Variants in CDK14 observed in about 807,000 individuals in gnomAD.
CDK14 encodes cyclin dependent kinase 14, also known as cyclin-dependent kinase 14.
CDK14 carries 34 observed loss-of-function variants against 60.7 expected under a neutral mutation model. The observed-to-expected ratio is 0.56, with a 90% CI of 0.43 to 0.75. The LOEUF (loss-of-function observed/expected upper bound fraction) is 0.75, where lower values mean the gene tolerates loss of function less well. Among genes scored for constraint, CDK14 ranks in the 30% least tolerant of loss-of-function variants. The pLI is 0.00. For missense variants in CDK14, 482 were observed against 564.1 expected (o/e 0.85, Z 1.47); for synonymous variants, 197 against 203.7 (o/e 0.97, Z 0.28).
intron 2 of CDK14, among the ~76,000 whole-genome samples, chr7:90,639,926 G>A (rs543127631): frequency 6.6e-6 from 1 of 152,134 alleles, no homozygotes; most frequent in Admixed American, 6.5e-5. Context: ...TCCGAGCCAG[G>A]TGCGGGATAT....
At chr7:90,753,932 A>T (rs1803950805) in intron 4 of CDK14, among the ~76,000 whole-genome samples, 1 of 152,244 alleles carries the variant, frequency 6.6e-6, no homozygotes, top group Admixed American at 6.5e-5. Flanking sequence ...AGGAGGTTAA[A>T]GATCTCTGCA....
intron 2 of CDK14, among the ~76,000 whole-genome samples, chr7:90,695,458 C>T (rs1054451888): frequency 3.9e-5 from 6 of 152,086 alleles, no homozygotes; most frequent in Admixed American, 1.3e-4. Flanking sequence ...GTTTACTGAG[C>T]GTCTACTATT....
chr7:90,961,150 G>A (rs552774428), intron 9 of CDK14, among the ~76,000 whole-genome samples: 17 of 152,058 alleles, frequency 1.1e-4, no homozygotes, highest in Non-Finnish European at 1.8e-4. Flanking sequence ...TTAAAATTTG[G>A]TCTTTATTTT....
At chr7:91,165,155 T>A (rs773344456) in intron 14 of CDK14, among the ~76,000 whole-genome samples, 3 of 152,194 alleles carry the variant, frequency 2.0e-5, no homozygotes, top group Non-Finnish European at 4.4e-5. Flanking sequence ...ACCACAGATA[T>A]GTTGCAAGCA....
intron 10 of CDK14, among the ~76,000 whole-genome samples, chr7:91,036,512 C>T (rs954255739): frequency 2.6e-5 from 4 of 152,056 alleles, no homozygotes; most frequent in Non-Finnish European, 5.9e-5. Context: ...TCCTGCCTCC[C>T]CTTCTGTCAC....
rs969202698 is a variant in CDK14, at chr7:91,207,398, T to C, written c.*262T>C. 2.6e-5 allele frequency: 4 copies of C among 152,672 alleles called. No individual in the cohort carries two copies. The highest frequency in any genetic ancestry group is 6.5e-5 in the Admixed American group (1 of 15,314). 9.5% of individuals were successfully genotyped at this position (152,672 alleles called of 1,614,324 possible). A position where few individuals can be genotyped will look rare whatever the true frequency, so the allele number is the denominator to read the frequency against. ...AGATTAAGCTTTGCTTACTGATACA[T>C]GGCATGTATTCTTTTCAGTCTTTTG... On this transcript the variant is annotated 3_prime_UTR_variant, in exon 15 of 15. Transcript: ENST00000380050.
At chr7:90,658,873 G>A (rs2188144) in intron 2 of CDK14, among the ~76,000 whole-genome samples, 46,399 of 151,906 alleles carry the variant, frequency 0.31, 7,976 homozygotes, top group East Asian at 0.67. Context: ...TTTCTGAATC[G>A]GGGGTAGTTT....
chr7:91,115,732 G>A (rs150902534), intron 13 of CDK14, among the ~76,000 whole-genome samples: 249 of 152,296 alleles, frequency 1.6e-3, no homozygotes, highest in African/African-American at 5.8e-3. Flanking sequence ...CATCAAGTGT[G>A]GTTGGAGCCT....
chr7:90,729,344 GTTTTTTTTTTT>G (rs1237046149), intron 3 of CDK14, among the ~76,000 whole-genome samples: 2 of 45,206 alleles, frequency 4.4e-5, no homozygotes, highest in African/African-American at 8.8e-5. Context: ...AGGTATCAAG[GTTTTTTTTTTT>G]TTTTTTTTTT....
chr7:90,871,972 T>G (rs561832915), intron 6 of CDK14, among the ~76,000 whole-genome samples: 2 of 152,232 alleles, frequency 1.3e-5, no homozygotes, highest in Non-Finnish European at 2.9e-5. Flanking sequence ...CACAGCTCAT[T>G]ATGGTCATTC....
chr7:91,060,301 C>T (rs1435994325), intron 11 of CDK14, among the ~76,000 whole-genome samples: 10 of 151,582 alleles, frequency 6.6e-5, no homozygotes, highest in Non-Finnish European at 1.5e-4. Flanking sequence ...TGTCTCTGCC[C>T]GTGAGATGGG....
At chr7:90,875,639 C>T (rs1180148276) in intron 6 of CDK14, among the ~76,000 whole-genome samples, 1 of 151,902 alleles carries the variant, frequency 6.6e-6, no homozygotes, top group African/African-American at 2.4e-5. Flanking sequence ...TATTCAAGAA[C>T]TTAAATTATT....
intron 8 of CDK14, among the ~76,000 whole-genome samples, chr7:90,950,219 G>C (rs1010784361): frequency 3.3e-5 from 5 of 152,200 alleles, no homozygotes; most frequent in Non-Finnish European, 5.9e-5. Flanking sequence ...TGGGATTACA[G>C]GCGCGTGCCA....
intron 12 of CDK14, among the ~76,000 whole-genome samples, chr7:91,096,078 A>AC (rs1381718834): frequency 6.6e-5 from 10 of 150,536 alleles, no homozygotes; most frequent in Non-Finnish European, 8.9e-5. Context: ...AAAAAAAAAA[A>AC]AAAAAAAAAA....
intron 2 of CDK14, among the ~76,000 whole-genome samples, chr7:90,661,305 CA>C (rs1800861068): frequency 6.6e-6 from 1 of 152,176 alleles, no homozygotes; most frequent in Admixed American, 6.5e-5. Context: ...GTGTGTTGAG[CA>C]GGGCCACTGT....
intron 4 of CDK14, among the ~76,000 whole-genome samples, chr7:90,758,888 C>T (rs1804196617): frequency 6.6e-6 from 1 of 151,838 alleles, no homozygotes; most frequent in South Asian, 2.1e-4. Context: ...AAAGCCTGTC[C>T]CTCTTAAAAA....
intron 6 of CDK14, among the ~76,000 whole-genome samples, chr7:90,863,943 G>T (rs371264131): frequency 6.4e-4 from 97 of 152,032 alleles, no homozygotes; most frequent in African/African-American, 1.9e-3. Flanking sequence ...ATCGTGAAAT[G>T]TAACTATGAT....
chr7:90,646,462 T>G (rs1432016185), intron 2 of CDK14, among the ~76,000 whole-genome samples: 1 of 150,888 alleles, frequency 6.6e-6, no homozygotes, highest in Non-Finnish European at 1.5e-5. Context: ...CTCTTGTTCT[T>G]TTTCCCCATT....
intron 11 of CDK14, among the ~76,000 whole-genome samples, chr7:91,055,578 G>T (rs181018745): frequency 6.6e-6 from 1 of 152,108 alleles, no homozygotes; most frequent in Admixed American, 6.5e-5. Context: ...AGTTCTACTC[G>T]CTGGAATTTT....
Sources: allele counts gnomAD v4.1 joint callset (sites outside exome capture counted in the v4.1 genomes callset), GRCh38; gene constraint gnomAD v4.1.1; transcripts MANE v1.5; gene names NCBI Gene and HGNC (gene_info 2026-07-23, HGNC 2026-07-21).